The following RORA variants were observed in gnomAD, a reference collection of about 807,000 sequenced individuals.
The protein encoded by RORA is nuclear receptor ROR-alpha.
In RORA, 7 loss-of-function variants were observed where a neutral mutation model predicts 69.5. The observed-to-expected ratio is 0.10, with a 90% CI of 0.06 to 0.19. The LOEUF is 0.19. Ranked by LOEUF, RORA falls within the 10% of genes least tolerant of loss-of-function variation. The pLI, the probability that RORA is intolerant of heterozygous loss-of-function variation, is 1.00. For missense variants in RORA, 457 were observed against 663.0 expected (o/e 0.69, Z 3.41); for synonymous variants, 261 against 240.8 (o/e 1.08, Z -0.78).
chr15:61,103,247 G>A (rs544700508), intron 1 of RORA, among the ~76,000 whole-genome samples: 1 of 152,262 alleles, frequency 6.6e-6, no homozygotes, highest in Admixed American at 6.5e-5. Context: ...GATGGGCTGT[G>A]AGCATCAGCA....
At chr15:60,525,027 C>A (rs1413562790) in intron 3 of RORA, among the ~76,000 whole-genome samples, 1 of 152,028 alleles carries the variant, frequency 6.6e-6, no homozygotes, top group African/African-American at 2.4e-5. Flanking sequence ...CTAAAAAGCA[C>A]CAAGACAAAC....
intron 1 of RORA, among the ~76,000 whole-genome samples, chr15:60,851,261 A>G (rs1397134792): frequency 6.6e-6 from 1 of 152,126 alleles, no homozygotes; most frequent in Non-Finnish European, 1.5e-5. Flanking sequence ...TAAAAGCACA[A>G]TTTTCTTCTA....
intron 1 of RORA, among the ~76,000 whole-genome samples, chr15:60,746,970 T>C (rs1384246443): frequency 1.3e-5 from 2 of 152,178 alleles, no homozygotes; most frequent in Non-Finnish European, 2.9e-5. Context: ...CGATCGACTC[T>C]AGTTAGTGTC....
chr15:60,688,165 G>T (rs1273050083), intron 1 of RORA, among the ~76,000 whole-genome samples: 1 of 151,022 alleles, frequency 6.6e-6, no homozygotes, highest in African/African-American at 2.4e-5. Flanking sequence ...TTAAAATAAA[G>T]AAAAATAAAT....
intron 1 of RORA, among the ~76,000 whole-genome samples, chr15:60,978,544 T>C (rs926968833): frequency 2.6e-5 from 4 of 152,348 alleles, no homozygotes; most frequent in South Asian, 4.1e-4. Flanking sequence ...TTTACCAATT[T>C]TTTTCTTTTA....
At chr15:60,621,837 C>T (rs999128980) in intron 2 of RORA, among the ~76,000 whole-genome samples, 31 of 152,058 alleles carry the variant, frequency 2.0e-4, no homozygotes, top group African/African-American at 7.2e-4. Context: ...CACCTGAGGT[C>T]AGGAGTTCGA....
intron 1 of RORA, among the ~76,000 whole-genome samples, chr15:60,804,079 G>A (rs900367684): frequency 1.2e-4 from 18 of 151,968 alleles, no homozygotes; most frequent in Admixed American, 4.6e-4. Context: ...ACCTGAGGTC[G>A]GGAGTTCGAG....
intron 1 of RORA, among the ~76,000 whole-genome samples, chr15:60,850,389 C>T (rs2073311273): frequency 6.6e-6 from 1 of 152,134 alleles, no homozygotes; most frequent in Non-Finnish European, 1.5e-5. Flanking sequence ...GTTTAAGATG[C>T]TGGTGTGATG....
chr15:60,528,118 C>G (rs1022958126), intron 3 of RORA: 5 of 152,598 alleles, frequency 3.3e-5, no homozygotes, highest in Non-Finnish European at 5.8e-5. Flanking sequence ...GCAGTGGCAC[C>G]ATCATAGCTC....
intron 2 of RORA, among the ~76,000 whole-genome samples, chr15:60,651,443 T>A (rs1230669093): frequency 6.6e-6 from 1 of 152,184 alleles, no homozygotes; most frequent in African/African-American, 2.4e-5. Flanking sequence ...TATGTCAATA[T>A]CCACTTGGCA....
chr15:61,022,906 C>T (rs113832675), intron 1 of RORA, among the ~76,000 whole-genome samples: 2,456 of 152,056 alleles, frequency 0.016, 64 homozygotes, highest in African/African-American at 0.055. Flanking sequence ...ACTGACAGGC[C>T]GGGCACGGTG....
intron 7 of RORA, among the ~76,000 whole-genome samples, chr15:60,503,312 C>T (rs186477095): frequency 3.7e-4 from 57 of 152,126 alleles, no homozygotes; most frequent in Non-Finnish European, 6.5e-4. Context: ...TGTAGGTGAC[C>T]TTCAAATTAA....
At chr15:60,628,871 G>A (rs1309128895) in intron 2 of RORA, among the ~76,000 whole-genome samples, 1 of 152,196 alleles carries the variant, frequency 6.6e-6, no homozygotes, top group African/African-American at 2.4e-5. Flanking sequence ...TAATCAGAAT[G>A]AGCAGGTGAA....
Position 61,090,370 on chromosome 15 carries a change from G to C in RORA, c.166+138683C>G, listed in dbSNP as rs58713143. ...AATCAAGGTGCCCCTCTGTGAATATGAATGAGGCAGTTGCCAACACACTGT... is the reference window on the plus strand; with the variant it reads ...AATCAAGGTGCCCCTCTGTGAATATCAATGAGGCAGTTGCCAACACACTGT... On this transcript the variant is annotated intron_variant, in intron 1 of 10. Transcript: ENST00000335670. Among the ~76,000 whole-genome samples the C allele has an allele frequency of 3.2e-3, 483 of 152,278 alleles. 3 individuals are homozygous for C. The highest frequency in any genetic ancestry group is 0.011 in the African/African-American group (446 of 41,558).
chr15:60,513,125 C>T (rs757274683), intron 4 of RORA, among the ~76,000 whole-genome samples: 1 of 152,328 alleles, frequency 6.6e-6, no homozygotes, highest in East Asian at 1.9e-4. Flanking sequence ...AAAGAGGACG[C>T]GCTGTCCTTG....
chr15:61,057,165 G>A (rs960941172), intron 1 of RORA, among the ~76,000 whole-genome samples: 2 of 152,184 alleles, frequency 1.3e-5, no homozygotes, highest in Non-Finnish European at 1.5e-5. Context: ...AAGGGAGAGA[G>A]AGGAAGGGAG....
intron 1 of RORA, among the ~76,000 whole-genome samples, chr15:61,105,577 C>T (rs965656018): frequency 1.3e-5 from 2 of 152,128 alleles, no homozygotes; most frequent in African/African-American, 4.8e-5. Context: ...TGTGCCTCAA[C>T]GATTGCCCCT....
chr15:61,177,498 G>A (rs776466678), intron 1 of RORA, among the ~76,000 whole-genome samples: 4 of 152,128 alleles, frequency 2.6e-5, no homozygotes, highest in East Asian at 1.9e-4. Context: ...TGTTTACAAC[G>A]ATGTGAAAAA....
chr15:60,532,812 C>T (rs534117232), intron 2 of RORA, among the ~76,000 whole-genome samples: 4 of 152,250 alleles, frequency 2.6e-5, no homozygotes, highest in Non-Finnish European at 4.4e-5. Context: ...TGTGTCATTA[C>T]GCTAAATTCA....
Sources: allele counts gnomAD v4.1 joint callset (sites outside exome capture counted in the v4.1 genomes callset), GRCh38; gene constraint gnomAD v4.1.1; transcripts MANE v1.5; gene names NCBI Gene and HGNC (gene_info 2026-07-23, HGNC 2026-07-21).